CNTNAP5: variants seen among roughly 807,000 people sequenced by gnomAD.
The protein encoded by CNTNAP5 is contactin-associated protein-like 5.
A neutral mutation model predicts 150.2 loss-of-function variants in CNTNAP5; 72 were observed. The ratio of observed to expected loss-of-function variants is 0.48; its 90% CI spans 0.40 to 0.58. CNTNAP5 has a LOEUF of 0.58. CNTNAP5 is among the 20% of genes least tolerant of loss of function. The pLI is 0.00. For missense variants in CNTNAP5, 1,636 were observed against 1,626.2 expected (o/e 1.01, Z -0.10); for synonymous variants, 672 against 619.8 (o/e 1.08, Z -1.25).
At position 124,349,709 on chromosome 2, in the gene CNTNAP5, A is replaced by T. The variant is rs1689825705; in HGVS notation, c.382-67734A>T. 4.6e-5 allele frequency among the ~76,000 whole-genome samples: 7 copies of T among 152,186 alleles called. No individual in the cohort carries two copies. The South Asian group carries it at 1.5e-3, about 32-fold the overall frequency. On this transcript the variant is annotated intron_variant, in intron 3 of 23. Coordinates refer to ENST00000682447, the MANE Select transcript of CNTNAP5 (RefSeq NM_001367498.1). ...ACTTCAATGATGGTCCCACTTATTA[A>T]AACACTGTAAGATATTTTTACTCTG...
chr2:124,573,557 G>C (rs571383764), intron 11 of CNTNAP5, among the ~76,000 whole-genome samples: 2 of 152,230 alleles, frequency 1.3e-5, no homozygotes, highest in African/African-American at 2.4e-5. Flanking sequence ...TTTAATTGCT[G>C]ATGTTGCTTC....
At chr2:124,348,789 C>T (rs1689801209) in intron 3 of CNTNAP5, among the ~76,000 whole-genome samples, 1 of 151,988 alleles carries the variant, frequency 6.6e-6, no homozygotes. Context: ...CCCCAAATTT[C>T]TAGAAATAGT....
intron 7 of CNTNAP5, among the ~76,000 whole-genome samples, chr2:124,500,553 T>G (rs1694253961): frequency 6.6e-6 from 1 of 150,954 alleles, no homozygotes; most frequent in South Asian, 2.1e-4. Flanking sequence ...AGGTGGGAGG[T>G]TTTGGTATAC....
intron 3 of CNTNAP5, among the ~76,000 whole-genome samples, chr2:124,288,046 C>T (rs113125035): frequency 9.5e-4 from 145 of 152,298 alleles, no homozygotes; most frequent in African/African-American, 3.3e-3. Context: ...GCTCCCACCT[C>T]AGCCTCTCAA....
At chr2:124,142,647 G>C (rs1202782268) in intron 1 of CNTNAP5, among the ~76,000 whole-genome samples, 1 of 132,704 alleles carries the variant, frequency 7.5e-6, no homozygotes, top group Non-Finnish European at 1.6e-5. Context: ...GCAGTGTGTA[G>C]AGGGAAATTT....
At chr2:124,323,420 C>T (rs1440754822) in intron 3 of CNTNAP5, among the ~76,000 whole-genome samples, 4 of 152,134 alleles carry the variant, frequency 2.6e-5, no homozygotes, top group Non-Finnish European at 5.9e-5. Flanking sequence ...CTTGTGTGCC[C>T]TATGAGTCAT....
At chr2:124,602,814 A>C (rs183958971) in intron 11 of CNTNAP5, among the ~76,000 whole-genome samples, 1 of 152,196 alleles carries the variant, frequency 6.6e-6, no homozygotes, top group African/African-American at 2.4e-5. Flanking sequence ...TTAGAAACAA[A>C]TTGTGGACAT....
chr2:124,774,865 A>C (rs1229192843), intron 17 of CNTNAP5, among the ~76,000 whole-genome samples: 1 of 152,200 alleles, frequency 6.6e-6, no homozygotes, highest in Non-Finnish European at 1.5e-5. Flanking sequence ...TGCGCAAGTC[A>C]AAAGGGAAAG....
intron 1 of CNTNAP5, among the ~76,000 whole-genome samples, chr2:124,088,578 CT>C (rs138528486): frequency 0.1 from 15,100 of 145,836 alleles, 805 homozygotes; most frequent in Non-Finnish European, 0.12. Flanking sequence ...TTTTAACTGG[CT>C]TTTTTTTTTT....
At chr2:124,723,147 T>A (rs141056808) in intron 13 of CNTNAP5, among the ~76,000 whole-genome samples, 1 of 152,204 alleles carries the variant, frequency 6.6e-6, no homozygotes, top group Non-Finnish European at 1.5e-5. Flanking sequence ...TGACAGTTGC[T>A]TTAATGTATC....
intron 19 of CNTNAP5, among the ~76,000 whole-genome samples, chr2:124,859,142 T>A (rs1677450420): frequency 6.6e-6 from 1 of 151,258 alleles, no homozygotes; most frequent in Non-Finnish European, 1.5e-5. Context: ...TGGGAGAAAA[T>A]TTTTGCAATC....
intron 21 of CNTNAP5, among the ~76,000 whole-genome samples, chr2:124,898,855 C>G (rs913611971): frequency 2.0e-5 from 3 of 151,398 alleles, no homozygotes; most frequent in Non-Finnish European, 4.4e-5. Context: ...TACCACTCCC[C>G]CCGGCCTCCT....
chr2:124,453,950 C>T (rs958041665), intron 6 of CNTNAP5, among the ~76,000 whole-genome samples: 2 of 152,040 alleles, frequency 1.3e-5, no homozygotes, highest in African/African-American at 4.8e-5. Context: ...ATAAATCTCA[C>T]AGGACCTACA....
chr2:124,462,701 G>A (rs1301749702), intron 6 of CNTNAP5, among the ~76,000 whole-genome samples: 1 of 152,194 alleles, frequency 6.6e-6, no homozygotes, highest in East Asian at 1.9e-4. Context: ...AGCTAGCCAA[G>A]CCCCTCTAGG....
intron 11 of CNTNAP5, among the ~76,000 whole-genome samples, chr2:124,598,918 C>T (rs1226244286): frequency 1.1e-4 from 16 of 151,960 alleles, no homozygotes; most frequent in East Asian, 5.8e-4. Flanking sequence ...CAGGTGCGTC[C>T]GTCACCCCTT....
chr2:124,450,871 T>A (rs183681696), intron 6 of CNTNAP5, among the ~76,000 whole-genome samples: 1 of 150,508 alleles, frequency 6.6e-6, no homozygotes, highest in Non-Finnish European at 1.5e-5. Flanking sequence ...ATTTGAAAAA[T>A]ATATATGATT....
In CNTNAP5 at chr2:124,791,387, T is replaced by A. The variant is rs925547604; in HGVS notation, c.2992+1246T>A. Among the ~76,000 whole-genome samples, 7 of 152,300 alleles carry A rather than the reference T, an allele frequency of 4.6e-5. No homozygotes were observed. In the East Asian group the frequency reaches 1.4e-3, roughly 29 times the overall value. ...GAAGCTTAAAATAAAACAGTTTCCA[T>A]TCCAGGGGCTCATATTATGAGCTAA... On this transcript the variant is annotated intron_variant, in intron 18 of 23. Transcript: ENST00000682447.
chr2:124,215,567 C>A (rs936953866), intron 1 of CNTNAP5, among the ~76,000 whole-genome samples: 4 of 151,976 alleles, frequency 2.6e-5, no homozygotes, highest in East Asian at 1.9e-4. Context: ...CTTGTCCATG[C>A]AAATATTAAT....
At position 124,755,883 on chromosome 2, in the gene CNTNAP5, T is replaced by C. The variant is rs535440859; in HGVS notation, c.2235-7789T>C. ...TGAATCTCTCAGTAATATTTTATTATGTAATGGAAAGAACAAATTGTGGAT... is the reference window on the plus strand; with the variant it reads ...TGAATCTCTCAGTAATATTTTATTACGTAATGGAAAGAACAAATTGTGGAT... On this transcript the variant is annotated intron_variant, in intron 14 of 23. Transcript: ENST00000682447. 2.0e-5 allele frequency among the ~76,000 whole-genome samples: 3 copies of C among 152,326 alleles called. No individual in the cohort carries two copies. In the South Asian group the frequency reaches 6.2e-4, roughly 32 times the overall value.
Sources: allele counts gnomAD v4.1 joint callset (sites outside exome capture counted in the v4.1 genomes callset), GRCh38; gene constraint gnomAD v4.1.1; transcripts MANE v1.5; gene names NCBI Gene and HGNC (gene_info 2026-07-23, HGNC 2026-07-21).